COPG2: variants seen among roughly 807,000 people sequenced by gnomAD.
COPG2 encodes coatomer subunit gamma-2.
A neutral mutation model predicts 46.3 loss-of-function variants in COPG2; 37 were observed. The ratio of observed to expected loss-of-function variants is 0.80; its 90% CI spans 0.61 to 1.05. COPG2 has a LOEUF of 1.05. Ranked by LOEUF, COPG2 falls within the 50% of genes least tolerant of loss-of-function variation. COPG2 has a pLI of 0.00. For synonymous variants in COPG2, 159 were observed against 129.7 expected (o/e 1.23, Z -1.53); for missense variants, 427 against 387.8 (o/e 1.10, Z -0.85).
intron 5 of COPG2, among the ~76,000 whole-genome samples, chr7:130,621,943 C>G (rs112656461): frequency 1.2e-3 from 79 of 67,538 alleles, no homozygotes; most frequent in Middle Eastern, 0.015. Context: ...GACTCCATCT[C>G]AAAAAAAAAA....
chr7:130,617,634 AC>A (rs1281251416), intron 5 of COPG2, among the ~76,000 whole-genome samples: 7 of 152,146 alleles, frequency 4.6e-5, no homozygotes, highest in Admixed American at 4.6e-4. Context: ...GAGGTTTTTA[AC>A]CTTTTACCCT....
intron 9 of COPG2, among the ~76,000 whole-genome samples, chr7:130,569,577 CA>C (rs1206123087): frequency 6.6e-6 from 1 of 151,068 alleles, no homozygotes; most frequent in East Asian, 1.9e-4. Flanking sequence ...AAGTTTCCAA[CA>C]AAAAAAAGTC....
intron 9 of COPG2, among the ~76,000 whole-genome samples, chr7:130,574,821 A>G (rs1242621449): frequency 6.6e-6 from 1 of 152,208 alleles, no homozygotes; most frequent in Non-Finnish European, 1.5e-5. Flanking sequence ...AAGTGAAGGG[A>G]GAAATATTCA....
intron 12 of COPG2, among the ~76,000 whole-genome samples, chr7:130,558,901 TAAAA>T (rs1793674369): frequency 6.6e-6 from 1 of 152,008 alleles, no homozygotes; most frequent in Non-Finnish European, 1.5e-5. Flanking sequence ...GCATATATAA[TAAAA>T]AAATTCAATG....
At chr7:130,534,280 C>T (rs1477047747) in intron 20 of COPG2, among the ~76,000 whole-genome samples, 3 of 152,038 alleles carry the variant, frequency 2.0e-5, no homozygotes, top group Admixed American at 6.5e-5. Flanking sequence ...CAGAAACCAC[C>T]GGCAGGGAAC....
At chr7:130,511,451 C>G (rs1202596999) in intron 20 of COPG2, 8 of 519,812 alleles carry the variant, frequency 1.5e-5, no homozygotes, top group Non-Finnish European at 2.7e-5. Flanking sequence ...ACACACCTAC[C>G]TGGAAAATCG....
At chr7:130,576,801 A>C (rs1332263458) in intron 9 of COPG2, among the ~76,000 whole-genome samples, 1 of 152,170 alleles carries the variant, frequency 6.6e-6, no homozygotes, top group Non-Finnish European at 1.5e-5. Context: ...AACAAACAAA[A>C]AAATACCAAA....
chr7:130,605,529 T>C (rs114321340), intron 9 of COPG2, among the ~76,000 whole-genome samples: 271 of 152,308 alleles, frequency 1.8e-3, no homozygotes, highest in African/African-American at 6.1e-3. Flanking sequence ...CAACACACTA[T>C]TGCTGGCTCT....
chr7:130,523,922 G>T (rs1318683634), intron 20 of COPG2, among the ~76,000 whole-genome samples: 1 of 152,010 alleles, frequency 6.6e-6, no homozygotes, highest in Non-Finnish European at 1.5e-5. Context: ...AGGCAGGGCG[G>T]GAGAGTCAGG....
At chr7:130,652,995 G>T in intron 4 of COPG2, 47 bp from the exon 5 acceptor site, 1 of 1,301,180 alleles carries the variant, frequency 7.7e-7, no homozygotes, top group South Asian at 1.3e-5. Flanking sequence ...TTAGGAAATG[G>T]TTTTTTAAAT....
chr7:130,586,504 C>T (rs1352175172), intron 9 of COPG2, among the ~76,000 whole-genome samples: 1 of 152,006 alleles, frequency 6.6e-6, no homozygotes, highest in Admixed American at 6.6e-5. Flanking sequence ...GCTGTGTTGC[C>T]CAGGCAGGAA....
At chr7:130,533,001 A>G (rs1044387341) in intron 20 of COPG2, among the ~76,000 whole-genome samples, 1 of 152,114 alleles carries the variant, frequency 6.6e-6, no homozygotes, top group Non-Finnish European at 1.5e-5. Context: ...TGACCAACCT[A>G]GGCCCAGGAG....
At chr7:130,649,047 G>A (rs1436593538) in intron 5 of COPG2, among the ~76,000 whole-genome samples, 15 of 152,176 alleles carry the variant, frequency 9.9e-5, no homozygotes, top group African/African-American at 1.9e-4. Flanking sequence ...TATAAGTACA[G>A]AGACTCACTC....
At chr7:130,596,161 A>C (rs1024139731) in intron 9 of COPG2, among the ~76,000 whole-genome samples, 13 of 152,214 alleles carry the variant, frequency 8.5e-5, no homozygotes, top group African/African-American at 3.1e-4. Context: ...GCCAAGGAGC[A>C]TTATGACTTA....
chr7:130,521,566 G>A (rs2116346758), intron 20 of COPG2, among the ~76,000 whole-genome samples: 1 of 152,272 alleles, frequency 6.6e-6, no homozygotes, highest in African/African-American at 2.4e-5. Context: ...AAGGGAAAAG[G>A]CATTTAAAAT....
At chr7:130,634,672 C>A (rs1014817481) in intron 5 of COPG2, among the ~76,000 whole-genome samples, 2 of 151,922 alleles carry the variant, frequency 1.3e-5, no homozygotes, top group Non-Finnish European at 2.9e-5. Context: ...CAGAGACAAT[C>A]TGACTTCCTC....
Position 130,642,531 on chromosome 7 carries a change from A to T in COPG2, c.323+10338T>A, listed in dbSNP as rs146871988. Reference sequence around the variant, plus strand: ...TTCTTTTGTGTCTGTTTTCTTTCCAACATAAATGTTTTAGAAGTTTATCCA... The same window carrying T: ...TTCTTTTGTGTCTGTTTTCTTTCCATCATAAATGTTTTAGAAGTTTATCCA... On this transcript the variant is annotated intron_variant, in intron 5 of 23. Coordinates refer to ENST00000425248, the MANE Select transcript of COPG2 (RefSeq NM_012133.6). Among the ~76,000 whole-genome samples the T allele has an allele frequency of 1.3e-4, 20 of 152,214 alleles. No homozygotes were observed. The East Asian group carries it at 3.7e-3, about 28-fold the overall frequency.
chr7:130,610,729 AGTTT>A (rs1554451921), intron 9 of COPG2: 1 of 646,416 alleles, frequency 1.5e-6, no homozygotes, highest in East Asian at 2.8e-5. Flanking sequence ...GTTCAATATC[AGTTT>A]GTTAATGTGC....
Position 130,561,075 on chromosome 7 carries a change from C to T in COPG2, c.1086G>A (p.Lys362=), listed in dbSNP as rs1487405365. ...TTTCAGACACAAAAGAAGATATCTGCTTCATGAGCCGGTCCACACTGCTCT... is the reference window on the plus strand; with the variant it reads ...TTTCAGACACAAAAGAAGATATCTGTTTCATGAGCCGGTCCACACTGCTCT... ...GSESSVDRLM[K]QISSFVSEIS... is the part of the protein sequence containing the mutation. Residue 362 remains lysine, a synonymous_variant, in exon 12 of 24, where the codon AAG becomes AAA. Transcript: ENST00000425248. The T allele has an allele frequency of 5.0e-6, 2 of 398,434 alleles. No individual in the cohort carries two copies. The highest frequency in any genetic ancestry group is 8.8e-6 in the Non-Finnish European group (2 of 226,054). The allele number at this position is 398,434 out of a possible 1,614,324, so 24.7% of individuals were successfully genotyped here. A position where few individuals can be genotyped will look rare whatever the true frequency, so the allele number is the denominator to read the frequency against.
Sources: gnomAD v4.1 joint callset for allele counts (sites outside exome capture counted in the v4.1 genomes callset) on GRCh38, gnomAD v4.1.1 for gene constraint, MANE v1.5 for transcripts, NCBI Gene and HGNC (gene_info 2026-07-23, HGNC 2026-07-21) for gene names.